Variants in PPFIA1 observed in about 807,000 individuals in gnomAD.
PPFIA1 encodes the protein PPFI scaffold protein A1.
In PPFIA1, 25 loss-of-function variants were observed where a neutral mutation model predicts 149.9. The ratio of observed to expected loss-of-function variants is 0.17; its 90% confidence interval spans 0.12 to 0.23. PPFIA1 has a LOEUF of 0.23. Among genes scored for constraint, PPFIA1 ranks in the 10% least tolerant of loss-of-function variants. The pLI is 1.00. For missense variants in PPFIA1, 1,362 were observed against 1,506.5 expected (o/e 0.90, Z 1.59); for synonymous variants, 549 against 552.8 (o/e 0.99, Z 0.10).
In PPFIA1 at chr11:70,339,251, T is replaced by A; in HGVS notation, c.1652T>A (p.Val551Glu). The change falls in exon 14 of 28, where the codon GTG becomes GAG. Residue 551 changes from valine to glutamate, a missense_variant. Val to Glu is a moderately radical substitution (Grantham distance 121). Coordinates refer to ENST00000253925, the MANE Select transcript of PPFIA1 (RefSeq NM_003626.5). The stretch of plus-strand genomic sequence containing the variant: ...ACAGACTCCTACAGCACCAGTGCAG[T>A]GCTGCGGCGCCCACAGAAAGGCCGG... ...GHTDSYSTSA[V>E]LRRPQKGRLA... The A allele has an allele frequency of 6.2e-7, 1 of 1,614,196 alleles. No homozygotes were observed. Among genetic ancestry groups the A allele is most frequent in the Non-Finnish European group, 8.5e-7 (1 of 1,180,014 alleles).
chr11:70,277,369 A>G (rs1273923072), intron 2 of PPFIA1, among the ~76,000 whole-genome samples: 1 of 151,794 alleles, frequency 6.6e-6, no homozygotes, highest in East Asian at 1.9e-4. Flanking sequence ...TTGCAGTATC[A>G]TAATTATTTT....
At chr11:70,343,513 A>C (rs1431650382) in intron 14 of PPFIA1, among the ~76,000 whole-genome samples, 156 bp from the exon 15 acceptor site, 6 of 152,214 alleles carry the variant, frequency 3.9e-5, no homozygotes. Flanking sequence ...AATTTCTTAA[A>C]TACTGCCTGC....
intron 15 of PPFIA1, among the ~76,000 whole-genome samples, 183 bp downstream of exon 15, chr11:70,344,075 G>A (rs1196315767): frequency 6.6e-6 from 1 of 152,222 alleles, no homozygotes; most frequent in Non-Finnish European, 1.5e-5. Context: ...ATAAAATTCA[G>A]GTAACCAGGG....
intron 2 of PPFIA1, among the ~76,000 whole-genome samples, chr11:70,308,818 G>A (rs2053059351): frequency 2.0e-5 from 3 of 152,286 alleles, no homozygotes; most frequent in South Asian, 2.1e-4. Context: ...GTGCACGTCT[G>A]TAGTCCTAGC....
chr11:70,326,438 A>G, intron 6 of PPFIA1, 75 bp downstream of exon 6: 7 of 1,381,328 alleles, frequency 5.1e-6, no homozygotes, highest in Non-Finnish European at 7.1e-6. Context: ...TGTGGAAAAC[A>G]GTTGCTAAAG....
chr11:70,284,077 G>GT (rs771514257), intron 2 of PPFIA1: 1 of 502,606 alleles, frequency 2.0e-6, no homozygotes, highest in South Asian at 1.5e-5. Flanking sequence ...GGCTACAACT[G>GT]TAATTTGTTG....
intron 2 of PPFIA1, among the ~76,000 whole-genome samples, chr11:70,322,541 C>A (rs2054004855): frequency 2.0e-5 from 3 of 152,172 alleles, no homozygotes; most frequent in Admixed American, 2.0e-4. Flanking sequence ...TCAGCACTTA[C>A]AGATCCTTAC....
chr11:70,326,874 T>C lies in PPFIA1; in HGVS notation c.930+56T>C. On this transcript the variant is annotated intron_variant, in intron 7 of 27. Coordinates refer to ENST00000253925, the MANE Select transcript of PPFIA1 (RefSeq NM_003626.5). ...ATGAAGTTGTATGTTTGGGACGTTT[T>C]AGTTAAATGATTTTTTTTCTCTGTT... The C allele has an allele frequency of 4.2e-6, 6 of 1,436,432 alleles. No individual in the cohort carries two copies. The South Asian group carries it at 6.0e-5, about 14-fold the overall frequency. 89.0% of individuals were successfully genotyped at this position (1,436,432 alleles called of 1,614,324 possible).
At chr11:70,349,094 T>G (rs899243414) in intron 16 of PPFIA1, among the ~76,000 whole-genome samples, 3 of 145,192 alleles carry the variant, frequency 2.1e-5, no homozygotes, top group Non-Finnish European at 1.5e-5. Flanking sequence ...TGCATTTCTT[T>G]CCTTTCGGAG....
chr11:70,352,499 T>G (rs1164244723), intron 16 of PPFIA1, among the ~76,000 whole-genome samples: 1 of 152,134 alleles, frequency 6.6e-6, no homozygotes, highest in African/African-American at 2.4e-5. Flanking sequence ...ACTGGTAACT[T>G]CAGCGTGCTA....
intron 17 of PPFIA1, among the ~76,000 whole-genome samples, 191 bp downstream of exon 17, chr11:70,354,643 A>G (rs999178317): frequency 6.6e-6 from 1 of 152,144 alleles, no homozygotes; most frequent in African/African-American, 2.4e-5. Flanking sequence ...CCAGCAGAAG[A>G]TGCATATCTG....
At position 70,338,296 on chromosome 11, in the gene PPFIA1, C is replaced by T. The variant is rs2055104372; in HGVS notation, c.1492-78C>T. The stretch of plus-strand genomic sequence containing the variant: ...TTTAACCTGTTAGGGTTATGCCCAA[C>T]ATCTGAGCACATTTGAAGTAAGTGG... On this transcript the variant is annotated intron_variant, in intron 12 of 27. Coordinates refer to ENST00000253925, the MANE Select transcript of PPFIA1 (RefSeq NM_003626.5). The T allele has an allele frequency of 2.6e-6, 3 of 1,171,660 alleles. No individual in the cohort carries two copies. In the East Asian group the frequency reaches 7.0e-5, roughly 27 times the overall value. The allele number at this position is 1,171,660 out of a possible 1,614,324, so 72.6% of individuals were successfully genotyped here.
chr11:70,308,954 A>G (rs976624609), intron 2 of PPFIA1, among the ~76,000 whole-genome samples: 1 of 152,098 alleles, frequency 6.6e-6, no homozygotes, highest in African/African-American at 2.4e-5. Flanking sequence ...TAAAAAGGTG[A>G]TTGTAGAAGG....
At chr11:70,376,377 T>G (rs2057491549) in intron 24 of PPFIA1, among the ~76,000 whole-genome samples, 155 bp from the exon 25 acceptor site, 2 of 152,200 alleles carry the variant, frequency 1.3e-5, no homozygotes, top group Admixed American at 1.3e-4. Context: ...TCTGTCCGCC[T>G]TGGCGTCCGA....
intron 16 of PPFIA1, among the ~76,000 whole-genome samples, chr11:70,352,758 C>T (rs1174799156): frequency 3.2e-5 from 2 of 61,718 alleles, no homozygotes; most frequent in Non-Finnish European, 6.0e-5. Flanking sequence ...GGTGGGAGGG[C>T]GGCGTGTGGA....
chr11:70,378,126 C>A lies in PPFIA1; in HGVS notation c.3481C>A (p.Pro1161Thr). The change falls in exon 26 of 28, where the codon CCT becomes ACT. Residue 1161 changes from proline to threonine, a missense_variant. Physicochemically the swap from Pro to Thr is conservative, Grantham distance 38. Coordinates refer to ENST00000253925, the MANE Select transcript of PPFIA1 (RefSeq NM_003626.5). ...GLAAGSAETL[P>T]ANFRVTSSMS... Reference sequence around the variant, plus strand: ...AGCTGCTGGGTCAGCAGAGACTCTCCCTGCAAACTTCCGGGTGACTTCTTC... The same window carrying A: ...AGCTGCTGGGTCAGCAGAGACTCTCACTGCAAACTTCCGGGTGACTTCTTC... 6.2e-7 allele frequency: 1 copy of A among 1,614,066 alleles called. No individual in the cohort carries two copies. The highest frequency in any genetic ancestry group is 8.5e-7 in the Non-Finnish European group (1 of 1,180,004).
chr11:70,308,760 A>T (rs1301261165), intron 2 of PPFIA1, among the ~76,000 whole-genome samples: 1 of 152,018 alleles, frequency 6.6e-6, no homozygotes, highest in Non-Finnish European at 1.5e-5. Context: ...AACATCTCTT[A>T]AAAAAACAAA....
chr11:70,323,617 T>C (rs539182995), intron 2 of PPFIA1, among the ~76,000 whole-genome samples: 22 of 152,308 alleles, frequency 1.4e-4, no homozygotes, highest in African/African-American at 4.6e-4. Flanking sequence ...TTGGTTCAAA[T>C]ACAACAGACT....
chr11:70,367,753 T>A (rs1162626075), intron 21 of PPFIA1: 1 of 367,862 alleles, frequency 2.7e-6, no homozygotes, highest in Non-Finnish European at 5.3e-6. Context: ...CATGCAGTTT[T>A]CTATTTAGAC....
Sources: gnomAD v4.1 joint callset for allele counts (sites outside exome capture counted in the v4.1 genomes callset) on GRCh38, gnomAD v4.1.1 for gene constraint, MANE v1.5 for transcripts, NCBI Gene and HGNC (gene_info 2026-07-23, HGNC 2026-07-21) for gene names.